The following DNAH14 variants were observed in gnomAD, a reference collection of about 807,000 sequenced individuals.
DNAH14 encodes the protein dynein axonemal heavy chain 14.
Under a neutral mutation model 520.9 loss-of-function variants are expected in DNAH14, and 478 were observed. The ratio of observed to expected loss-of-function variants is 0.92; its 90% CI spans 0.85 to 0.99. DNAH14 has a LOEUF of 0.99. Among genes scored for constraint, DNAH14 ranks in the 50% least tolerant of loss-of-function variants. DNAH14 has a pLI of 0.00. For missense variants in DNAH14, 4,831 were observed against 5,234.5 expected (o/e 0.92, Z 2.38); for synonymous variants, 1,581 against 1,757.2 (o/e 0.90, Z 2.51).
At chr1:225,003,946 CTT>C (rs1482643943) in intron 9 of DNAH14, among the ~76,000 whole-genome samples, 2 of 151,970 alleles carry the variant, frequency 1.3e-5, no homozygotes, top group Non-Finnish European at 2.9e-5. Context: ...GCATAAAAGA[CTT>C]TAAAATACCT....
At chr1:225,104,321 A>G (rs942953034) in intron 23 of DNAH14, among the ~76,000 whole-genome samples, 2 of 152,164 alleles carry the variant, frequency 1.3e-5, no homozygotes, top group African/African-American at 2.4e-5. Context: ...ATTGATGTTC[A>G]TCAGGGATAT....
intron 1 of DNAH14, among the ~76,000 whole-genome samples, chr1:224,947,148 C>T (rs982374337): frequency 6.6e-6 from 1 of 151,990 alleles, no homozygotes; most frequent in East Asian, 1.9e-4. Flanking sequence ...GAACTCCTGA[C>T]CTCAGGTGAT....
chr1:225,051,443 C>A lies in DNAH14; in HGVS notation c.2080-8C>A. On this transcript the variant is annotated splice_region_variant and splice_polypyrimidine_tract_variant and intron_variant, in intron 16 of 85. Transcript: ENST00000682510. ...TTCTGACTAACATCTCAACATTCTT[C>A]TTTACAGATTGTGAATCTCCTGACT... The A allele has an allele frequency of 6.8e-7, 1 of 1,460,670 alleles. No individual in the cohort carries two copies. Among genetic ancestry groups the A allele is most frequent in the Non-Finnish European group, 9.1e-7 (1 of 1,104,690 alleles). The allele number at this position is 1,460,670 out of a possible 1,614,324, so 90.5% of individuals were successfully genotyped here.
chr1:225,118,120 T>C (rs1265097876), intron 25 of DNAH14, 121 bp downstream of exon 25: 1 of 781,768 alleles, frequency 1.3e-6, no homozygotes, highest in Non-Finnish European at 2.2e-6. Flanking sequence ...AAAGATTATA[T>C]CCTTACGTAA....
At chr1:225,270,459 T>A (rs2093283281) in intron 49 of DNAH14, among the ~76,000 whole-genome samples, 1 of 152,034 alleles carries the variant, frequency 6.6e-6, no homozygotes, top group Non-Finnish European at 1.5e-5. Flanking sequence ...TACCCTAGAA[T>A]TTAAAGTATA....
chr1:224,972,977 C>G (rs946456270), intron 7 of DNAH14, among the ~76,000 whole-genome samples: 1 of 152,188 alleles, frequency 6.6e-6, no homozygotes, highest in Non-Finnish European at 1.5e-5. Flanking sequence ...ACTCCTTACA[C>G]TATCACTGGG....
At chr1:225,007,573 A>C in intron 10 of DNAH14, 29 bp downstream of exon 10, 1 of 1,461,888 alleles carries the variant, frequency 6.8e-7, no homozygotes, top group South Asian at 1.4e-5. Flanking sequence ...CATATTTATC[A>C]AAGTTGCAAT....
intron 42 of DNAH14, among the ~76,000 whole-genome samples, chr1:225,236,158 C>T (rs962376333): frequency 2.6e-5 from 4 of 152,058 alleles, no homozygotes; most frequent in South Asian, 2.1e-4. Context: ...TTGATGTGGG[C>T]ATTTAGTGCT....
At chr1:225,352,206 G>A (rs2095374594) in intron 72 of DNAH14, among the ~76,000 whole-genome samples, 1 of 152,066 alleles carries the variant, frequency 6.6e-6, no homozygotes, top group Admixed American at 6.6e-5. Context: ...ACAAATGTGT[G>A]TTTTTAAAAT....
rs527782303 is a variant in DNAH14 at position 225,034,377 on chromosome 1, G to T, written c.1359-4317G>T. Among the ~76,000 whole-genome samples the T allele has an allele frequency of 8.5e-5, 13 of 152,272 alleles. No individual in the cohort carries two copies. In the South Asian group the frequency reaches 2.1e-3, roughly 24 times the overall value. ...GAATCACATTTATTGATTTGTGTAT[G>T]TTGAGCCAACCTTGGATCCTGGGGA... On this transcript the variant is annotated intron_variant, in intron 11 of 85. Transcript: ENST00000682510.
rs1414825160 is a variant in DNAH14 at position 224,979,321 on chromosome 1, A to C, written c.830+5168A>C. ...GTGTGGAGAGATAATCTGAGCACTT[A>C]GAGGAGGGAGAGTGCAGTGCTTGTG... On this transcript the variant is annotated intron_variant, in intron 8 of 85. Transcript: ENST00000682510. Among the ~76,000 whole-genome samples the C allele has an allele frequency of 5.3e-5, 8 of 152,118 alleles. No homozygotes were observed. In the East Asian group the frequency reaches 1.5e-3, roughly 29 times the overall value.
chr1:225,048,490 G>T (rs1258208108), intron 15 of DNAH14, among the ~76,000 whole-genome samples: 1 of 152,162 alleles, frequency 6.6e-6, no homozygotes, highest in Admixed American at 6.5e-5. Flanking sequence ...GACAGTGCAA[G>T]ACCCTGTCTC....
chr1:225,355,639 A>C (rs1037461736), intron 73 of DNAH14, among the ~76,000 whole-genome samples: 2 of 152,250 alleles, frequency 1.3e-5, no homozygotes, highest in African/African-American at 4.8e-5. Flanking sequence ...TTAAGCAAAA[A>C]TAACTAAAAT....
intron 17 of DNAH14, among the ~76,000 whole-genome samples, chr1:225,065,234 T>C (rs2070721776): frequency 6.6e-6 from 1 of 151,970 alleles, no homozygotes; most frequent in South Asian, 2.1e-4. Flanking sequence ...TTGTTGTATA[T>C]ATTTATATTG....
chr1:224,982,841 A>C (rs1201777250), intron 8 of DNAH14, among the ~76,000 whole-genome samples: 1 of 152,212 alleles, frequency 6.6e-6, no homozygotes, highest in Admixed American at 6.5e-5. Context: ...CAGTTTTCTT[A>C]AATTTATTGA....
rs2093513610 is a variant in DNAH14 at position 225,277,452 on chromosome 1, A to G, written c.8221A>G (p.Ile2741Val). The change falls in exon 54 of 86, where the codon ATC becomes GTC. Residue 2741 changes from isoleucine to valine, a missense_variant. By Grantham distance (29) the Ile-to-Val change is conservative. Coordinates refer to ENST00000682510, the MANE Select transcript of DNAH14 (RefSeq NM_001367479.1). Reference protein sequence around the residue: ...MVFFKEAIEHIIRATRVLRQP... With the variant: ...MVFFKEAIEHVIRATRVLRQP... ...GTTCTTCAAGGAAGCCATAGAACAC[A>G]TCATAAGAGCAACAAGGGTTCTTCG... 2 of 470,944 alleles carry G rather than the reference A, an allele frequency of 4.2e-6. No individual in the cohort carries two copies. Among genetic ancestry groups the G allele is most frequent in the African/African-American group, 4.0e-5 (2 of 50,096 alleles). The allele number at this position is 470,944 out of a possible 1,614,324, so 29.2% of individuals were successfully genotyped here.
intron 13 of DNAH14, 46 bp from the exon 14 acceptor site, chr1:225,043,698 A>G: frequency 1.5e-6 from 2 of 1,316,702 alleles, no homozygotes; most frequent in South Asian, 1.3e-5. Flanking sequence ...TGATATAAAT[A>G]TCAATCAATT....
intron 69 of DNAH14, among the ~76,000 whole-genome samples, chr1:225,340,962 C>T (rs768048396): frequency 3.3e-5 from 5 of 152,168 alleles, no homozygotes; most frequent in East Asian, 1.9e-4. Flanking sequence ...ACAAATCTTA[C>T]GGAATCTAGT....
At chr1:225,138,161 C>T (rs986379590) in intron 27 of DNAH14, among the ~76,000 whole-genome samples, 1 of 152,172 alleles carries the variant, frequency 6.6e-6, no homozygotes, top group African/African-American at 2.4e-5. Flanking sequence ...CAAGGACCTG[C>T]CCAGTGAGAA....
Sources: gnomAD v4.1 joint callset for allele counts (sites outside exome capture counted in the v4.1 genomes callset) on GRCh38, gnomAD v4.1.1 for gene constraint, MANE v1.5 for transcripts, NCBI Gene and HGNC (gene_info 2026-07-23, HGNC 2026-07-21) for gene names.